Variants in APOLD1 observed in about 807,000 individuals in gnomAD.
The protein encoded by APOLD1 is apolipoprotein L domain-containing protein 1.
A neutral mutation model predicts 15.3 loss-of-function variants in APOLD1; 22 were observed. That is an observed-to-expected ratio of 1.44 (90% CI 1.03 to 2.05). The LOEUF is 2.05. Ranked by LOEUF, APOLD1 falls within the 30% of genes most tolerant of loss-of-function variation. APOLD1 has a pLI of 0.00. For synonymous variants in APOLD1, 190 were observed against 167.4 expected, an observed-to-expected ratio of 1.13 and a Z score of -1.04; for missense variants, 394 against 353.5, an observed-to-expected ratio of 1.11 and a Z score of -0.92.
intron 1 of APOLD1, among the ~76,000 whole-genome samples, chr12:12,749,132 T>C (rs899193171): frequency 6.6e-6 from 1 of 152,054 alleles, no homozygotes. Context: ...CAACAGTCTT[T>C]GGGCACCCAA....
At position 12,774,339 on chromosome 12, in the gene APOLD1, G is replaced by GT. The variant is rs373195774; in HGVS notation, c.97-12567dup. 3.1e-3 allele frequency among the ~76,000 whole-genome samples: 468 copies of GT among 151,978 alleles called. 1 individual carries two copies. The highest frequency in any genetic ancestry group is 0.011 in the African/African-American group (440 of 41,468). ...GAGGGTGAATCACTTTGGGTCAGGA[G>GT]TTTGAGACCAGCCTGGCCAACATGG... On this transcript the variant is annotated intron_variant, in intron 1 of 1. Transcript: ENST00000326765.
chr12:12,780,246 T>C (rs1381507628), intron 1 of APOLD1, among the ~76,000 whole-genome samples: 4 of 99,036 alleles, frequency 4.0e-5, no homozygotes, highest in African/African-American at 1.3e-4. Flanking sequence ...TTATTTTAAT[T>C]TGCTTTTTTT....
chr12:12,777,187 A>G (rs958782489), intron 1 of APOLD1, among the ~76,000 whole-genome samples: 4 of 152,126 alleles, frequency 2.6e-5, no homozygotes, highest in Admixed American at 6.5e-5. Flanking sequence ...TTCTTTTACC[A>G]TCTCCCACTT....
chr12:12,782,396 G>C (rs1452948274), upstream of APOLD1, among the ~76,000 whole-genome samples: 1 of 152,178 alleles, frequency 6.6e-6, no homozygotes, highest in Non-Finnish European at 1.5e-5. Context: ...AGACTCTCCA[G>C]GGCTGGGGCC....
Position 12,753,895 on chromosome 12 carries a change from T to C in APOLD1, c.96+27799T>C, listed in dbSNP as rs535239024. Among the ~76,000 whole-genome samples, 5 of 151,908 alleles carry C rather than the reference T, an allele frequency of 3.3e-5. No homozygotes were observed. In the South Asian group the frequency reaches 1.0e-3, roughly 32 times the overall value. On this transcript the variant is annotated intron_variant, in intron 1 of 1. Coordinates refer to the APOLD1 transcript ENST00000326765. ...AAGGAGAATCAAATTGAAATCAGAC[T>C]TCTTATCAGTGATATTGTATTAAAA...
intron 1 of APOLD1, among the ~76,000 whole-genome samples, chr12:12,743,926 C>T (rs1250544136): frequency 6.6e-6 from 1 of 152,192 alleles, no homozygotes; most frequent in African/African-American, 2.4e-5. Flanking sequence ...GGATTCTCCC[C>T]CAGAGCCTCC....
chr12:12,746,496 C>CAAATAAAT (rs757082166), intron 1 of APOLD1, among the ~76,000 whole-genome samples: 21,689 of 139,818 alleles, frequency 0.16, 1,836 homozygotes, highest in Middle Eastern at 0.3. Flanking sequence ...AACTCCATCT[C>CAAATAAAT]AAATAAATAA....
At chr12:12,770,484 TA>T (rs1946978511) in intron 1 of APOLD1, among the ~76,000 whole-genome samples, 1 of 146,874 alleles carries the variant, frequency 6.8e-6, no homozygotes, top group Non-Finnish European at 1.5e-5. Flanking sequence ...ATTAGTATAC[TA>T]AACATGCTGA....
At chr12:12,763,214 T>G in intron 1 of APOLD1, among the ~76,000 whole-genome samples, 1 of 152,242 alleles carries the variant, frequency 6.6e-6, no homozygotes, top group Non-Finnish European at 1.5e-5. Context: ...CATTGTGAGA[T>G]GGCTAAATCA....
At position 12,786,797 on chromosome 12, in the gene APOLD1, A is replaced by G. The variant is rs1947128308; in HGVS notation, c.4-112A>G. On this transcript the variant is annotated intron_variant, in intron 1 of 1. Coordinates refer to ENST00000356591, the MANE Select transcript of APOLD1 (RefSeq NM_030817.3). ...AACAGACCCGTTCCCCTAGCGTGGC[A>G]GTGGCTGCTCCGCTGAACTCGTGCC... 5.4e-6 allele frequency: 7 copies of G among 1,304,436 alleles called. No individual in the cohort carries two copies. In the East Asian group the frequency reaches 2.2e-4, roughly 41 times the overall value. 80.8% of individuals were successfully genotyped at this position (1,304,436 alleles called of 1,614,324 possible).
At chr12:12,741,075 TCTTACC>T (rs1946726841) in intron 1 of APOLD1, among the ~76,000 whole-genome samples, 1 of 152,224 alleles carries the variant, frequency 6.6e-6, no homozygotes, top group Admixed American at 6.5e-5. Flanking sequence ...TTTTTGTACC[TCTTACC>T]AAGAAAAAAA....
At chr12:12,746,475 A>G (rs1018421972) in intron 1 of APOLD1, among the ~76,000 whole-genome samples, 14 of 150,818 alleles carry the variant, frequency 9.3e-5, no homozygotes, top group African/African-American at 2.0e-4. Context: ...CAGCCTGGGC[A>G]ACAAGAGTGA....
chr12:12,787,397 C>A lies in APOLD1; in HGVS notation c.492C>A (p.Tyr164Ter), dbSNP rs759798778. 5 of 1,614,094 alleles carry A rather than the reference C, an allele frequency of 3.1e-6. No individual in the cohort carries two copies. Among genetic ancestry groups the A allele is most frequent in the Non-Finnish European group, 4.2e-6 (5 of 1,180,044 alleles). Residue 164 changes from tyrosine to a stop codon, truncating the protein, a stop_gained, in exon 2 of 2, where the codon TAC becomes TAA. Transcript: ENST00000356591. LOFTEE classifies it high-confidence loss of function. The surrounding 1 kb of genome is among the most constrained non-coding windows in gnomAD (Gnocchi z 4.9). ...QCGRNASIALYNSVYFIVFFG... is the reference protein window; with the variant it reads ...QCGRNASIAL ...GGAGGAACGCCTCCATCGCCCTGTACAATTCTGTCTACTTCATCGTCTTCT... is the reference window on the plus strand; with the variant it reads ...GGAGGAACGCCTCCATCGCCCTGTAAAATTCTGTCTACTTCATCGTCTTCT...
intron 1 of APOLD1, among the ~76,000 whole-genome samples, chr12:12,762,594 C>T (rs1457119984): frequency 6.6e-6 from 1 of 151,832 alleles, no homozygotes; most frequent in African/African-American, 2.4e-5. Flanking sequence ...ACCTCGTGAT[C>T]CATCCACCTC....
chr12:12,737,421 G>A lies in APOLD1; in HGVS notation c.96+11325G>A, dbSNP rs190393070. Among the ~76,000 whole-genome samples, 37 of 152,222 alleles carry A rather than the reference G, an allele frequency of 2.4e-4. No individual in the cohort carries two copies. The East Asian group carries it at 7.1e-3, about 29-fold the overall frequency. ...AACTCAAGTTCTTTTGGAGTTCATT[G>A]AAGTGAGGTATAATTCCCAGTCCAA... On this transcript the variant is annotated intron_variant, in intron 1 of 1. Coordinates refer to the APOLD1 transcript ENST00000326765.
intron 1 of APOLD1, among the ~76,000 whole-genome samples, chr12:12,748,546 C>T (rs1411777774): frequency 6.6e-6 from 1 of 152,212 alleles, no homozygotes; most frequent in East Asian, 1.9e-4. Context: ...TATTTTGATA[C>T]ATGCATACAA....
At chr12:12,770,789 A>AC (rs1260565252) in intron 1 of APOLD1, among the ~76,000 whole-genome samples, 1 of 151,594 alleles carries the variant, frequency 6.6e-6, no homozygotes, top group Admixed American at 6.6e-5. Flanking sequence ...TTAAAAAAAA[A>AC]AAAAACTCTA....
intron 1 of APOLD1, among the ~76,000 whole-genome samples, chr12:12,768,814 A>C (rs1027894476): frequency 6.7e-6 from 1 of 149,742 alleles, no homozygotes; most frequent in African/African-American, 2.5e-5. Flanking sequence ...AAGGTAGTTT[A>C]CTTTTTTTTT....
At chr12:12,749,072 T>C (rs1029183644) in intron 1 of APOLD1, among the ~76,000 whole-genome samples, 21 of 152,200 alleles carry the variant, frequency 1.4e-4, no homozygotes, top group African/African-American at 4.6e-4. Flanking sequence ...CCATGGGGTC[T>C]GTACTCTTGG....
Sources: gnomAD v4.1 joint callset for allele counts (sites outside exome capture counted in the v4.1 genomes callset) on GRCh38, gnomAD v4.1.1 for gene constraint, Gnocchi (gnomAD v3.1) non-coding constraint, MANE v1.5 for transcripts, NCBI Gene and HGNC (gene_info 2026-07-23, HGNC 2026-07-21) for gene names.